The following LRRC1 variants were observed in gnomAD, a reference collection of about 807,000 sequenced individuals.
LRRC1 encodes leucine rich repeat containing 1.
Under a neutral mutation model 69.9 loss-of-function variants are expected in LRRC1, and 28 were observed. That is an observed-to-expected ratio of 0.40 (90% CI 0.30 to 0.55). The LOEUF is 0.55. Ranked by LOEUF, LRRC1 falls within the 20% of genes least tolerant of loss-of-function variation. The pLI is 0.47. For missense variants in LRRC1, 498 were observed against 609.0 expected, an observed-to-expected ratio of 0.82 and a Z score of 1.92; for synonymous variants, 236 against 240.2, an observed-to-expected ratio of 0.98 and a Z score of 0.16.
chr6:53,889,563 T>C (rs1767608918), intron 4 of LRRC1, among the ~76,000 whole-genome samples: 1 of 152,168 alleles, frequency 6.6e-6, no homozygotes, highest in Non-Finnish European at 1.5e-5. Flanking sequence ...ATTCTATGAC[T>C]CACTTTTTAC....
rs1379884164 is a variant in LRRC1 at position 53,922,701 on chromosome 6, A to G, written c.1483A>G (p.Asn495Asp). The G allele has an allele frequency of 6.2e-7, 1 of 1,613,996 alleles. No individual in the cohort carries two copies. The highest frequency in any genetic ancestry group is 1.3e-5 in the African/African-American group (1 of 74,918). The part of the protein sequence containing the change: ...ELKHMKKTVE[N>D]LRNDMNAAKG... The stretch of plus-strand genomic sequence containing the variant: ...AAAGCACATGAAAAAGACAGTGGAG[A>G]ATTTACGGAATGACATGAATGCTGC... The change falls in exon 14 of 14, where the codon AAT becomes GAT. Residue 495 changes from asparagine to aspartate, a missense_variant. This residue lies in a region of LRRC1 where 162 missense variants were observed against 162.9 expected (regional missense o/e 0.99). Transcript: ENST00000370888.
chr6:53,883,380 C>T (rs370291969), intron 4 of LRRC1, among the ~76,000 whole-genome samples: 2 of 152,074 alleles, frequency 1.3e-5, no homozygotes, highest in South Asian at 2.1e-4. Context: ...AAGTATGTGC[C>T]CCTAAAGAAC....
chr6:53,829,243 T>C (rs571851197), intron 1 of LRRC1, among the ~76,000 whole-genome samples: 1 of 152,350 alleles, frequency 6.6e-6, no homozygotes, highest in East Asian at 1.9e-4. Flanking sequence ...CTCTCTGTGC[T>C]TCAGTTGGAC....
At chr6:53,866,072 T>A (rs1766694197) in intron 2 of LRRC1, among the ~76,000 whole-genome samples, 1 of 152,010 alleles carries the variant, frequency 6.6e-6, no homozygotes, top group South Asian at 2.1e-4. Flanking sequence ...CTTCCTCTGG[T>A]TTGAGTGTGT....
chr6:53,920,599 T>C, intron 12 of LRRC1, 26 bp from the exon 13 acceptor site: 1 of 1,614,090 alleles, frequency 6.2e-7, no homozygotes, highest in Non-Finnish European at 8.5e-7. Context: ...CGCAATTCCC[T>C]GCTTATGTGG....
intron 10 of LRRC1, among the ~76,000 whole-genome samples, chr6:53,905,587 C>T (rs942514117): frequency 1.3e-5 from 2 of 151,996 alleles, no homozygotes; most frequent in South Asian, 2.1e-4. Context: ...CTTTTTCTAA[C>T]GTCTATTTTG....
chr6:53,883,931 T>G (rs1210724605), intron 4 of LRRC1: 1 of 717,848 alleles, frequency 1.4e-6, no homozygotes, highest in Non-Finnish European at 2.6e-6. Context: ...GCTTTTCCCT[T>G]TCCTTTCTAT....
At chr6:53,813,289 G>A (rs1581847218) in intron 1 of LRRC1, among the ~76,000 whole-genome samples, 1 of 152,108 alleles carries the variant, frequency 6.6e-6, no homozygotes, top group East Asian at 1.9e-4. Flanking sequence ...GGAGGGGTGT[G>A]GTGGTCATTG....
intron 4 of LRRC1, among the ~76,000 whole-genome samples, chr6:53,890,662 A>AT (rs1418350319): frequency 2.6e-5 from 4 of 152,170 alleles, no homozygotes; most frequent in East Asian, 1.9e-4. Context: ...AAAAATAAAG[A>AT]TTTTTTAAAA....
chr6:53,899,120 T>C (rs1390923706), intron 7 of LRRC1, among the ~76,000 whole-genome samples: 1 of 152,192 alleles, frequency 6.6e-6, no homozygotes, highest in Non-Finnish European at 1.5e-5. Context: ...GCTTGCACTT[T>C]GGGAATAGAA....
chr6:53,854,797 A>G (rs1174484694), intron 2 of LRRC1, among the ~76,000 whole-genome samples: 1 of 152,200 alleles, frequency 6.6e-6, no homozygotes, highest in African/African-American at 2.4e-5. Flanking sequence ...GGGATCATTT[A>G]ACAAATAGAT....
chr6:53,800,408 C>T (rs985492652), intron 1 of LRRC1, among the ~76,000 whole-genome samples: 11 of 151,668 alleles, frequency 7.3e-5, no homozygotes, highest in East Asian at 3.9e-4. Flanking sequence ...CACACCACCA[C>T]GCCCAGCTAA....
intron 1 of LRRC1, among the ~76,000 whole-genome samples, chr6:53,829,931 A>T (rs531138466): frequency 3.5e-4 from 54 of 152,314 alleles, no homozygotes; most frequent in Non-Finnish European, 6.8e-4. Flanking sequence ...TTTTGATTGC[A>T]TGTCACAAAG....
rs186395300 is a variant in LRRC1, at chr6:53,866,592, G to A, written c.278-12401G>A. On this transcript the variant is annotated intron_variant, in intron 2 of 13. Coordinates refer to ENST00000370888, the MANE Select transcript of LRRC1 (RefSeq NM_018214.5). ...CAAACAAGGAGTATTGGGCACTGTG[G>A]AAGGCCTCATTATTTGGGGGGGATT... 1.6e-3 allele frequency among the ~76,000 whole-genome samples: 243 copies of A among 152,244 alleles called. 2 individuals are homozygous for A. Among genetic ancestry groups the A allele is most frequent in the Admixed American group, 5.1e-3 (78 of 15,296 alleles).
intron 1 of LRRC1, among the ~76,000 whole-genome samples, chr6:53,796,839 G>A (rs1764317866): frequency 6.6e-6 from 1 of 152,024 alleles, no homozygotes; most frequent in Admixed American, 6.5e-5. Flanking sequence ...TTTTTTTCTG[G>A]CCTTTTACGT....
At chr6:53,910,965 T>C (rs1768390322) in intron 10 of LRRC1, among the ~76,000 whole-genome samples, 1 of 152,274 alleles carries the variant, frequency 6.6e-6, no homozygotes, top group Non-Finnish European at 1.5e-5. Context: ...GAATGTTCGC[T>C]GGGACAGCAT....
At chr6:53,921,249 T>G (rs1317793809) in intron 13 of LRRC1, among the ~76,000 whole-genome samples, 1 of 152,260 alleles carries the variant, frequency 6.6e-6, no homozygotes, top group Non-Finnish European at 1.5e-5. Context: ...ACTACAGGCA[T>G]GAGCCACTGT....
At chr6:53,921,598 A>G (rs953980705) in intron 13 of LRRC1, among the ~76,000 whole-genome samples, 1 of 152,182 alleles carries the variant, frequency 6.6e-6, no homozygotes, top group African/African-American at 2.4e-5. Context: ...CGTCTCTCAG[A>G]CATCCATCAT....
chr6:53,830,987 C>A, intron 1 of LRRC1, among the ~76,000 whole-genome samples: 2 of 145,020 alleles, frequency 1.4e-5, no homozygotes, highest in African/African-American at 2.5e-5. Flanking sequence ...TTGAATAATG[C>A]CATTGAAGAT....
Sources: allele counts gnomAD v4.1 joint callset (sites outside exome capture counted in the v4.1 genomes callset), GRCh38; gene constraint gnomAD v4.1.1; regional missense constraint gnomAD v4.1.1; transcripts MANE v1.5; gene names NCBI Gene and HGNC (gene_info 2026-07-23, HGNC 2026-07-21).